Variants in MACROD2 observed in about 807,000 individuals in gnomAD.
MACROD2 encodes the protein mono-ADP ribosylhydrolase 2.
A neutral mutation model predicts 70.4 loss-of-function variants in MACROD2; 36 were observed. The observed-to-expected ratio is 0.51, with a 90% CI of 0.39 to 0.68. The LOEUF is 0.68. MACROD2 is among the 30% of genes least tolerant of loss of function. The probability of loss-of-function intolerance (pLI) is 0.00; values close to 1 mark genes in which losing one functional copy is unlikely to be tolerated. For missense variants in MACROD2, 496 were observed against 538.4 expected (o/e 0.92, Z 0.78); for synonymous variants, 172 against 178.8 (o/e 0.96, Z 0.30).
At chr20:14,955,844 T>C (rs916594279) in intron 5 of MACROD2, among the ~76,000 whole-genome samples, 1 of 152,106 alleles carries the variant, frequency 6.6e-6, no homozygotes, top group African/African-American at 2.4e-5. Context: ...TCATCTGGGA[T>C]AAATAAAAGA....
At chr20:14,483,732 G>A (rs977982181) in intron 3 of MACROD2, among the ~76,000 whole-genome samples, 42 of 152,162 alleles carry the variant, frequency 2.8e-4, no homozygotes, top group African/African-American at 9.9e-4. Flanking sequence ...TAAACCTTAA[G>A]CTTCTAAAGT....
At chr20:14,307,118 G>A (rs1206687213) in intron 3 of MACROD2, among the ~76,000 whole-genome samples, 1 of 151,918 alleles carries the variant, frequency 6.6e-6, no homozygotes, top group African/African-American at 2.4e-5. Flanking sequence ...TAAAAGTTAT[G>A]GATGACTTAC....
intron 4 of MACROD2, among the ~76,000 whole-genome samples, chr20:14,642,816 T>C (rs1600491513): frequency 6.6e-6 from 1 of 152,030 alleles, no homozygotes; most frequent in East Asian, 1.9e-4. Flanking sequence ...ATAATAATGA[T>C]AAAGTTAGAA....
At chr20:14,995,328 A>T (rs147670382) in intron 5 of MACROD2, among the ~76,000 whole-genome samples, 1 of 152,256 alleles carries the variant, frequency 6.6e-6, no homozygotes, top group East Asian at 1.9e-4. Context: ...ATAATTTTAC[A>T]TATGAAAAAT....
intron 5 of MACROD2, among the ~76,000 whole-genome samples, chr20:14,694,291 G>A (rs924960641): frequency 1.3e-5 from 2 of 152,118 alleles, no homozygotes; most frequent in Non-Finnish European, 2.9e-5. Flanking sequence ...GAGCTGACAG[G>A]AATTTTAATT....
intron 3 of MACROD2, among the ~76,000 whole-genome samples, chr20:14,238,195 C>A (rs2081894980): frequency 6.6e-6 from 1 of 152,124 alleles, no homozygotes; most frequent in South Asian, 2.1e-4. Context: ...AAAAGCTAAT[C>A]CACCACGATC....
chr20:14,307,028 C>G (rs1411409480), intron 3 of MACROD2, among the ~76,000 whole-genome samples: 2 of 151,736 alleles, frequency 1.3e-5, no homozygotes, highest in African/African-American at 4.8e-5. Context: ...CACACACACA[C>G]ACACACACAC....
intron 2 of MACROD2, among the ~76,000 whole-genome samples, chr20:14,083,655 G>T (rs1273246904): frequency 6.6e-6 from 1 of 152,098 alleles, no homozygotes; most frequent in Non-Finnish European, 1.5e-5. Context: ...GAGTCCCTGA[G>T]AGGTCAACTC....
chr20:15,438,283 TCA>T (rs2046453105), intron 7 of MACROD2, among the ~76,000 whole-genome samples: 1 of 152,274 alleles, frequency 6.6e-6, no homozygotes, highest in East Asian at 1.9e-4. Flanking sequence ...TTGAACTAAT[TCA>T]CACTCCGACC....
chr20:14,187,249 G>A (rs2081352884), intron 3 of MACROD2, among the ~76,000 whole-genome samples: 1 of 151,670 alleles, frequency 6.6e-6, no homozygotes, highest in Non-Finnish European at 1.5e-5. Flanking sequence ...AGAAAATTTT[G>A]AGAAAGAGAC....
At chr20:14,205,817 C>T (rs2081518446) in intron 3 of MACROD2, among the ~76,000 whole-genome samples, 2 of 152,160 alleles carry the variant, frequency 1.3e-5, no homozygotes, top group South Asian at 4.1e-4. Context: ...AATGGCTTGC[C>T]TCTCTGCTAT....
At chr20:15,721,392 C>G (rs4813189) in intron 8 of MACROD2, among the ~76,000 whole-genome samples, 1 of 152,162 alleles carries the variant, frequency 6.6e-6, no homozygotes, top group Admixed American at 6.6e-5. Flanking sequence ...AAAAGATTAA[C>G]TTCCCAAATT....
rs2049021881 is a variant in MACROD2, at chr20:15,615,261, C to A, written c.645+115414C>A. On this transcript the variant is annotated intron_variant, in intron 8 of 17. Coordinates refer to ENST00000684519, the MANE Select transcript of MACROD2 (RefSeq NM_001351661.2). ...GCATCCCCAACCTGAGTGAATTCAC[C>A]CCCTCTCCATGTGAAGAGAGAGAGA... is the stretch of plus-strand genomic sequence containing the variant. Among the ~76,000 whole-genome samples, 2 of 152,076 alleles carry A rather than the reference C, an allele frequency of 1.3e-5. 1 individual carries two copies. Among genetic ancestry groups the A allele is most frequent in the Admixed American group, 1.3e-4 (2 of 15,276 alleles).
At position 15,397,112 on chromosome 20, in the gene MACROD2, C is replaced by T. The variant is rs530927378; in HGVS notation, c.541-34293C>T. On this transcript the variant is annotated intron_variant, in intron 6 of 17. Coordinates refer to ENST00000684519, the MANE Select transcript of MACROD2 (RefSeq NM_001351661.2). ...AGATGGCTCAAGGAAAGGCTTTACC[C>T]GAGCAGTCCTACTTTCCATAGCAAA... Among the ~76,000 whole-genome samples, 12 of 152,162 alleles carry T rather than the reference C, an allele frequency of 7.9e-5. No individual in the cohort carries two copies. The South Asian group carries it at 1.5e-3, about 18-fold the overall frequency.
At chr20:14,143,622 A>G (rs2054905725) in intron 3 of MACROD2, among the ~76,000 whole-genome samples, 1 of 151,992 alleles carries the variant, frequency 6.6e-6, no homozygotes, top group South Asian at 2.1e-4. Context: ...ATTTCTGACC[A>G]TTTTCTTTAA....
chr20:15,569,182 T>C (rs990064454), intron 8 of MACROD2, among the ~76,000 whole-genome samples: 1 of 152,146 alleles, frequency 6.6e-6, no homozygotes, highest in African/African-American at 2.4e-5. Context: ...GTTTCCACGG[T>C]GTATGGGGGC....
intron 5 of MACROD2, among the ~76,000 whole-genome samples, chr20:14,699,987 T>G (rs1020947499): frequency 7.0e-6 from 1 of 142,754 alleles, no homozygotes; most frequent in Admixed American, 6.8e-5. Flanking sequence ...AGTTTAAAGT[T>G]TAAAGTTTAA....
chr20:14,694,870 G>A (rs187634537), intron 5 of MACROD2, among the ~76,000 whole-genome samples: 1 of 152,266 alleles, frequency 6.6e-6, no homozygotes, highest in East Asian at 1.9e-4. Context: ...AGCTTTATTG[G>A]TTTTAAAGAT....
intron 2 of MACROD2, among the ~76,000 whole-genome samples, chr20:14,062,189 C>T (rs952355663): frequency 1.1e-4 from 17 of 152,070 alleles, no homozygotes; most frequent in Non-Finnish European, 1.6e-4. Flanking sequence ...TTGAAAGTGT[C>T]CTTTGTTTTA....
Sources: gnomAD v4.1 joint callset for allele counts (sites outside exome capture counted in the v4.1 genomes callset) on GRCh38, gnomAD v4.1.1 for gene constraint, MANE v1.5 for transcripts, NCBI Gene and HGNC (gene_info 2026-07-23, HGNC 2026-07-21) for gene names.